The following PALLD variants were observed in gnomAD, a reference collection of about 807,000 sequenced individuals.
PALLD encodes the protein palladin, cytoskeletal associated protein.
In PALLD, 61 loss-of-function variants were observed where a neutral mutation model predicts 123.5. The ratio of observed to expected loss-of-function variants is 0.49; its 90% confidence interval spans 0.40 to 0.61. PALLD has a LOEUF of 0.61. Ranked by LOEUF, PALLD falls within the 20% of genes least tolerant of loss-of-function variation. PALLD has a pLI of 0.00. For missense variants in PALLD, 1,273 were observed against 1,377.0 expected (o/e 0.92, Z 1.20); for synonymous variants, 465 against 496.4 (o/e 0.94, Z 0.84).
intron 10 of PALLD, among the ~76,000 whole-genome samples, chr4:168,715,897 C>T (rs1345997602): frequency 6.6e-6 from 1 of 151,208 alleles, no homozygotes; most frequent in Non-Finnish European, 1.5e-5. Flanking sequence ...CTGCAGTGAG[C>T]CGAGATAGCG....
intron 6 of PALLD, among the ~76,000 whole-genome samples, chr4:168,690,234 G>A (rs975978532): frequency 2.0e-5 from 3 of 152,306 alleles, no homozygotes; most frequent in Middle Eastern, 3.4e-3. Context: ...GAGTGTGGTC[G>A]TTTCAAGAAA....
At chr4:168,596,168 G>A (rs1714822434) in intron 2 of PALLD, among the ~76,000 whole-genome samples, 1 of 152,090 alleles carries the variant, frequency 6.6e-6, no homozygotes, top group Non-Finnish European at 1.5e-5. Flanking sequence ...GCTGGGTTCT[G>A]TGGATTTCAA....
intron 15 of PALLD, among the ~76,000 whole-genome samples, chr4:168,907,621 G>A (rs929081096): frequency 6.6e-6 from 1 of 152,182 alleles, no homozygotes; most frequent in Non-Finnish European, 1.5e-5. Context: ...AGCCCCAAAA[G>A]AGAGTGGTTA....
chr4:168,530,325 A>G (rs1182100384), intron 2 of PALLD, among the ~76,000 whole-genome samples: 1 of 152,114 alleles, frequency 6.6e-6, no homozygotes, highest in Non-Finnish European at 1.5e-5. Flanking sequence ...GTGCATTTGG[A>G]CTATGTTATG....
chr4:168,567,886 G>T (rs1768572317), intron 2 of PALLD, among the ~76,000 whole-genome samples: 1 of 151,860 alleles, frequency 6.6e-6, no homozygotes, highest in African/African-American at 2.4e-5. Flanking sequence ...AGCCAAGACT[G>T]TACCACTACA....
At chr4:168,580,239 G>GGT (rs59142111) in intron 2 of PALLD, among the ~76,000 whole-genome samples, 19,173 of 147,342 alleles carry the variant, frequency 0.13, 1,364 homozygotes, top group South Asian at 0.18. Context: ...ATTTCACTGT[G>GGT]GTGTGTGTGT....
At chr4:168,498,603 C>T (rs1201156228) in intron 1 of PALLD, among the ~76,000 whole-genome samples, 3 of 152,214 alleles carry the variant, frequency 2.0e-5, no homozygotes, top group Non-Finnish European at 4.4e-5. Context: ...ATTGCAATTA[C>T]TGAGCTCCAG....
At chr4:168,920,874 T>C (rs1761338181) in intron 17 of PALLD, among the ~76,000 whole-genome samples, 1 of 152,178 alleles carries the variant, frequency 6.6e-6, no homozygotes, top group Admixed American at 6.5e-5. Context: ...CAGCTGAGTA[T>C]TTGTTATTAT....
intron 2 of PALLD, among the ~76,000 whole-genome samples, chr4:168,660,378 A>G (rs185012344): frequency 6.6e-5 from 10 of 152,200 alleles, no homozygotes. Flanking sequence ...ACTCAGACCA[A>G]GTCAGCAGTC....
intron 8 of PALLD, among the ~76,000 whole-genome samples, chr4:168,702,075 T>TA (rs1373590306): frequency 5.3e-5 from 8 of 152,222 alleles, no homozygotes; most frequent in Non-Finnish European, 8.8e-5. Context: ...TGAGAATAAT[T>TA]AGTTTTTTCA....
chr4:168,587,624 G>A (rs1432431252), intron 2 of PALLD, among the ~76,000 whole-genome samples: 1 of 152,116 alleles, frequency 6.6e-6, no homozygotes, highest in African/African-American at 2.4e-5. Flanking sequence ...CTTGCCTTGT[G>A]CATGGCTAAG....
chr4:168,679,114 G>T (rs1233675297), intron 3 of PALLD, among the ~76,000 whole-genome samples: 1 of 140,156 alleles, frequency 7.1e-6, no homozygotes, highest in East Asian at 2.2e-4. Context: ...GTGGGTGTGT[G>T]TGTGTGTGTG....
intron 1 of PALLD, chr4:168,507,309 T>C (rs1762103771): frequency 5.6e-6 from 1 of 177,440 alleles, no homozygotes. Flanking sequence ...TTCTTTCCTT[T>C]CTATCATCTA....
intron 8 of PALLD, among the ~76,000 whole-genome samples, chr4:168,699,036 A>G (rs1783424507): frequency 6.6e-6 from 1 of 152,110 alleles, no homozygotes; most frequent in Non-Finnish European, 1.5e-5. Flanking sequence ...ATCCTTCTTT[A>G]TATATGATAT....
chr4:168,726,604 A>C (rs2150288798), intron 10 of PALLD, among the ~76,000 whole-genome samples: 1 of 152,028 alleles, frequency 6.6e-6, no homozygotes, highest in African/African-American at 2.4e-5. Context: ...GCTGGTTTCA[A>C]ACTCCTGGCT....
intron 1 of PALLD, 31 bp downstream of exon 1, chr4:168,497,225 A>T (rs1760836199): frequency 6.6e-6 from 1 of 150,618 alleles, no homozygotes; most frequent in Admixed American, 6.7e-5. Context: ...TATACTAACT[A>T]GTAGGGCAAC....
At chr4:168,592,017 G>GTTTTT in intron 2 of PALLD, among the ~76,000 whole-genome samples, 1 of 120,112 alleles carries the variant, frequency 8.3e-6, no homozygotes, top group African/African-American at 3.3e-5. Flanking sequence ...TACTATTATG[G>GTTTTT]ATTTTTTTTT....
At chr4:168,900,329 G>A (rs1484370099) in intron 14 of PALLD, among the ~76,000 whole-genome samples, 3 of 151,916 alleles carry the variant, frequency 2.0e-5, no homozygotes, top group Admixed American at 6.6e-5. Flanking sequence ...AAAACAGAAG[G>A]CCAAGTATTG....
intron 2 of PALLD, among the ~76,000 whole-genome samples, chr4:168,587,074 G>A (rs1382726841): frequency 2.0e-5 from 3 of 152,266 alleles, no homozygotes; most frequent in Non-Finnish European, 4.4e-5. Flanking sequence ...AGCCAGAGAA[G>A]CTGCTAAACA....
Sources: allele counts gnomAD v4.1 joint callset (sites outside exome capture counted in the v4.1 genomes callset), GRCh38; gene constraint gnomAD v4.1.1; transcripts MANE v1.5; gene names NCBI Gene and HGNC (gene_info 2026-07-23, HGNC 2026-07-21).